GABPB2: variants seen among roughly 807,000 people sequenced by gnomAD.
GABPB2 encodes the protein GA binding protein transcription factor subunit beta 2.
In GABPB2, 23 loss-of-function variants were observed where a neutral mutation model predicts 39.1. The observed-to-expected ratio is 0.59, with a 90% CI of 0.42 to 0.83. The LOEUF (loss-of-function observed/expected upper bound fraction) is 0.83. Among genes scored for constraint, GABPB2 ranks in the 40% least tolerant of loss-of-function variants. The pLI is 0.00. For missense variants in GABPB2, 467 were observed against 541.1 expected (o/e 0.86, Z 1.36); for synonymous variants, 184 against 199.3 (o/e 0.92, Z 0.65).
intron 2 of GABPB2, among the ~76,000 whole-genome samples, chr1:151,089,961 G>A (rs189157773): frequency 4.2e-5 from 6 of 142,892 alleles, no homozygotes; most frequent in Admixed American, 7.2e-5. Flanking sequence ...TTTTTGAGAC[G>A]GTGTTTCACT....
intron 3 of GABPB2, 116 bp downstream of exon 3, chr1:151,090,689 AG>A: frequency 1.9e-6 from 2 of 1,057,060 alleles, no homozygotes; most frequent in South Asian, 3.1e-5. Flanking sequence ...GGACAGTTAT[AG>A]CATTAAGTTG....
chr1:151,103,905 A>G (rs1178349201), intron 6 of GABPB2, among the ~76,000 whole-genome samples: 1 of 152,200 alleles, frequency 6.6e-6, no homozygotes, highest in East Asian at 1.9e-4. Flanking sequence ...TGTGTTTACA[A>G]TTTGAAGTTT....
At chr1:151,113,856 C>A (rs1215911823) in intron 7 of GABPB2, among the ~76,000 whole-genome samples, 2 of 152,190 alleles carry the variant, frequency 1.3e-5, no homozygotes, top group Non-Finnish European at 2.9e-5. Flanking sequence ...TAAGTGGAAT[C>A]ATACAGTATA....
At position 151,093,323 on chromosome 1, in the gene GABPB2, T is replaced by C; in HGVS notation, c.408T>C (p.Phe136=). 1 of 1,612,308 alleles carries C rather than the reference T, an allele frequency of 6.2e-7. No individual in the cohort carries two copies. ...CTGATGTCCATGCTTTCAGCAAATTTGATAAATCAGCCTTTGACATAGCTC... is the reference window on the plus strand; with the variant it reads ...CTGATGTCCATGCTTTCAGCAAATTCGATAAATCAGCCTTTGACATAGCTC... The part of the protein sequence containing the change: ...YGADVHAFSK[F]DKSAFDIALE... The change falls in exon 4 of 9, where the codon TTT becomes TTC. Residue 136 remains phenylalanine (F), a synonymous_variant. Coordinates refer to ENST00000368918, the MANE Select transcript of GABPB2 (RefSeq NM_144618.3).
intron 4 of GABPB2, among the ~76,000 whole-genome samples, chr1:151,096,253 G>A (rs928275328): frequency 6.6e-6 from 1 of 151,984 alleles, no homozygotes; most frequent in African/African-American, 2.4e-5. Flanking sequence ...ATGAAACCCT[G>A]TCTCTACTAA....
chr1:151,124,708 T>TG lies in GABPB2; in HGVS notation c.*6453dup. ...GAATGGACTATATGTGATGACCACCTGTATGCACTCTAGGCTCTTATCTGT... is the reference window on the plus strand; with the variant it reads ...GAATGGACTATATGTGATGACCACCTGGTATGCACTCTAGGCTCTTATCTGT... On this transcript the variant is annotated 3_prime_UTR_variant, in exon 9 of 9. Coordinates refer to ENST00000368918, the MANE Select transcript of GABPB2 (RefSeq NM_144618.3). 1 of 152,304 alleles carries TG rather than the reference T, an allele frequency of 6.6e-6. No homozygotes were observed. Among genetic ancestry groups the TG allele is most frequent in the East Asian group, 1.9e-4 (1 of 5,184 alleles). The allele number at this position is 152,304 out of a possible 1,614,324, so 9.4% of individuals were successfully genotyped here.
chr1:151,097,789 A>C (rs1679206465), intron 4 of GABPB2, 63 bp from the exon 5 acceptor site: 3 of 1,507,020 alleles, frequency 2.0e-6, no homozygotes, highest in Non-Finnish European at 9.0e-7. Flanking sequence ...AAAAAAAAAA[A>C]AGAAAGACAG....
chr1:151,117,931 G>A lies in GABPB2; in HGVS notation c.1048-26G>A, dbSNP rs774317319. 5.6e-6 allele frequency: 9 copies of A among 1,595,028 alleles called. No individual in the cohort carries two copies. The African/African-American group carries it at 9.4e-5, about 17-fold the overall frequency. ...ATAATTTATGATCAGGAATTTACCT[G>A]GTGGTGACATGGCTTACTTTTACAG... On this transcript the variant is annotated intron_variant, in intron 8 of 8. Coordinates refer to ENST00000368918, the MANE Select transcript of GABPB2 (RefSeq NM_144618.3).
chr1:151,087,546 C>G (rs958565964), intron 1 of GABPB2, among the ~76,000 whole-genome samples: 1 of 151,888 alleles, frequency 6.6e-6, no homozygotes, highest in Admixed American at 6.6e-5. Flanking sequence ...ACTCAGGAGG[C>G]TTAGGCAGGA....
chr1:151,118,535 G>T lies in GABPB2; in HGVS notation c.*279G>T. On this transcript the variant is annotated 3_prime_UTR_variant, in exon 9 of 9. Coordinates refer to ENST00000368918, the MANE Select transcript of GABPB2 (RefSeq NM_144618.3). The stretch of plus-strand genomic sequence containing the variant: ...AAGTAAAAGAATACTGCATGTTGTG[G>T]GTTGATTTTTTTTTTTTAAATAACT... The T allele has an allele frequency of 3.2e-6, 1 of 311,886 alleles. No homozygotes were observed. The highest frequency in any genetic ancestry group is 1.1e-4 in the South Asian group (1 of 9,482). 19.3% of individuals were successfully genotyped at this position (311,886 alleles called of 1,614,324 possible). A position where few individuals can be genotyped will look rare whatever the true frequency, so the allele number is the denominator to read the frequency against.
chr1:151,075,708 C>G (rs1558121957), intron 1 of GABPB2, among the ~76,000 whole-genome samples: 1 of 147,400 alleles, frequency 6.8e-6, no homozygotes, highest in African/African-American at 2.5e-5. Flanking sequence ...GACTTCATCT[C>G]AAAAAAACCC....
intron 5 of GABPB2, among the ~76,000 whole-genome samples, chr1:151,101,891 TAC>T (rs1418266473): frequency 6.6e-6 from 1 of 152,224 alleles, no homozygotes; most frequent in Non-Finnish European, 1.5e-5. Flanking sequence ...AGGAAATATC[TAC>T]AGTTAGAGTA....
chr1:151,119,463 G>A lies in GABPB2; in HGVS notation c.*1207G>A, dbSNP rs587757039. 6.6e-6 allele frequency: 1 copy of A among 152,462 alleles called. No individual in the cohort carries two copies. The highest frequency in any genetic ancestry group is 2.1e-4 in the South Asian group (1 of 4,832). 9.4% of individuals were successfully genotyped at this position (152,462 alleles called of 1,614,324 possible). A position where few individuals can be genotyped will look rare whatever the true frequency, so the allele number is the denominator to read the frequency against. On this transcript the variant is annotated 3_prime_UTR_variant, in exon 9 of 9. Transcript: ENST00000368918. ...TACTAAAAATACAAAAAATTGGCCG[G>A]GCGCAGCGGCTCACGCCTGTAATCC...
At position 151,072,736 on chromosome 1, in the gene GABPB2, A is replaced by G. The variant is rs184334687; in HGVS notation, c.-1+1802A>G. On this transcript the variant is annotated intron_variant, in intron 1 of 8. Transcript: ENST00000368918. ...GTGGCACACACCTGTAATCCCAGCTACCCAGGAGGCTGAGGCAGGAGAATG... is the reference window on the plus strand; with the variant it reads ...GTGGCACACACCTGTAATCCCAGCTGCCCAGGAGGCTGAGGCAGGAGAATG... 7.6e-3 allele frequency among the ~76,000 whole-genome samples: 1,161 copies of G among 152,292 alleles called. 6 individuals carry two copies. The highest frequency in any genetic ancestry group is 0.036 in the South Asian group (173 of 4,828).
chr1:151,118,527 A>G lies in GABPB2; in HGVS notation c.*271A>G. The G allele has an allele frequency of 3.0e-6, 1 of 336,822 alleles. No homozygotes were observed. The highest frequency in any genetic ancestry group is 5.4e-6 in the Non-Finnish European group (1 of 185,594). 20.9% of individuals were successfully genotyped at this position (336,822 alleles called of 1,614,324 possible). On this transcript the variant is annotated 3_prime_UTR_variant, in exon 9 of 9. Transcript: ENST00000368918. ...AAACATAGAAGTAAAAGAATACTGC[A>G]TGTTGTGGGTTGATTTTTTTTTTTT...
intron 7 of GABPB2, among the ~76,000 whole-genome samples, chr1:151,111,114 A>G (rs1458486236): frequency 2.0e-5 from 3 of 152,152 alleles, no homozygotes; most frequent in African/African-American, 7.2e-5. Context: ...CCCCATGTCT[A>G]CTGAAAAAAT....
chr1:151,092,965 A>G (rs762649779), intron 3 of GABPB2, among the ~76,000 whole-genome samples: 7 of 151,902 alleles, frequency 4.6e-5, no homozygotes, highest in Non-Finnish European at 7.4e-5. Flanking sequence ...TTTGTCTTCC[A>G]TCTGTTTAAT....
At chr1:151,080,085 C>T (rs1677524232) in intron 1 of GABPB2, among the ~76,000 whole-genome samples, 2 of 151,526 alleles carry the variant, frequency 1.3e-5, no homozygotes, top group Non-Finnish European at 2.9e-5. Context: ...CGTGGTGGCA[C>T]ACGCCTGTAT....
rs1444642298 is a variant in GABPB2, at chr1:151,117,360, A to G, written c.923-32A>G. ...AACCTCTTTGTTTTATTATGCATTC[A>G]TCACCTCCAATTGGTGTCCTTTGAC... On this transcript the variant is annotated intron_variant, in intron 7 of 8. Transcript: ENST00000368918. The G allele has an allele frequency of 6.2e-6, 10 of 1,601,048 alleles. No homozygotes were observed. The Admixed American group carries it at 1.8e-4, about 28-fold the overall frequency.
Sources: gnomAD v4.1 joint callset for allele counts (sites outside exome capture counted in the v4.1 genomes callset) on GRCh38, gnomAD v4.1.1 for gene constraint, MANE v1.5 for transcripts, NCBI Gene and HGNC (gene_info 2026-07-23, HGNC 2026-07-21) for gene names.